RPS6KA2: variants seen among roughly 807,000 people sequenced by gnomAD.
RPS6KA2 encodes the protein ribosomal protein S6 kinase A2.
In RPS6KA2, 42 loss-of-function variants were observed where a neutral mutation model predicts 91.8. The observed-to-expected ratio is 0.46, with a 90% CI of 0.36 to 0.59. RPS6KA2 has a LOEUF of 0.59. Among genes scored for constraint, RPS6KA2 ranks in the 20% least tolerant of loss-of-function variants. RPS6KA2 has a pLI of 0.00. For synonymous variants in RPS6KA2, 414 were observed against 393.6 expected (o/e 1.05, Z -0.61); for missense variants, 798 against 978.5 (o/e 0.82, Z 2.46).
rs1163376952 is a variant in RPS6KA2, at chr6:166,726,424, T to C, written c.123+131776A>G. 1.3e-5 allele frequency among the ~76,000 whole-genome samples: 2 copies of C among 152,172 alleles called. No homozygotes were observed. Among genetic ancestry groups the C allele is most frequent in the Non-Finnish European group, 2.9e-5 (2 of 68,034 alleles). On this transcript the variant is annotated intron_variant, in intron 2 of 21. Coordinates refer to the RPS6KA2 transcript ENST00000503859. The surrounding 1 kb of genome is among the most constrained non-coding windows in gnomAD (Gnocchi z 4.4). Reference sequence around the variant, plus strand: ...GACACAACACTTAGCAAACTCTTAGTCACCTCCCGAGAGCCCAGACCCTGT... The same window carrying C: ...GACACAACACTTAGCAAACTCTTAGCCACCTCCCGAGAGCCCAGACCCTGT...
intron 1 of RPS6KA2, among the ~76,000 whole-genome samples, chr6:166,580,811 G>T (rs1335338877): frequency 6.6e-6 from 1 of 152,136 alleles, no homozygotes; most frequent in Admixed American, 6.5e-5. Context: ...CGGAGGAAAG[G>T]GAGGACATTA....
intron 2 of RPS6KA2, among the ~76,000 whole-genome samples, chr6:166,649,706 A>G (rs753098849): frequency 3.9e-5 from 6 of 152,204 alleles, no homozygotes; most frequent in Non-Finnish European, 7.3e-5. Context: ...GGACCATGCA[A>G]TGGATGGGAT....
chr6:166,534,487 C>T (rs1018252216), intron 2 of RPS6KA2, among the ~76,000 whole-genome samples: 1 of 152,192 alleles, frequency 6.6e-6, no homozygotes, highest in Non-Finnish European at 1.5e-5. Context: ...TACCTCTGCA[C>T]TCAACCCCTA....
intron 19 of RPS6KA2, among the ~76,000 whole-genome samples, chr6:166,415,729 C>A (rs1189320994): frequency 6.6e-6 from 1 of 152,134 alleles, no homozygotes; most frequent in Non-Finnish European, 1.5e-5. Flanking sequence ...CATCTACACT[C>A]ATTTAAGACA....
chr6:166,576,839 GA>G (rs1784850033), intron 1 of RPS6KA2, among the ~76,000 whole-genome samples: 1 of 152,186 alleles, frequency 6.6e-6, no homozygotes, highest in Non-Finnish European at 1.5e-5. Flanking sequence ...AGACAATGGG[GA>G]AAATGTCTCC....
At chr6:166,798,496 G>A (rs1027633202) in intron 2 of RPS6KA2, among the ~76,000 whole-genome samples, 9 of 152,200 alleles carry the variant, frequency 5.9e-5, no homozygotes, top group African/African-American at 1.2e-4. Context: ...CCCAAACAGC[G>A]TCTCTGCAGA....
At chr6:166,721,431 C>G (rs1454640372) in intron 2 of RPS6KA2, among the ~76,000 whole-genome samples, 1 of 152,232 alleles carries the variant, frequency 6.6e-6, no homozygotes, top group Non-Finnish European at 1.5e-5. Context: ...GCTGAACCCC[C>G]TCCATTGCCA....
intron 2 of RPS6KA2, among the ~76,000 whole-genome samples, chr6:166,714,938 C>T (rs1033826081): frequency 5.9e-5 from 9 of 152,238 alleles, no homozygotes; most frequent in Non-Finnish European, 1.2e-4. Context: ...CTGCTGCAGG[C>T]CAGGCCTCAG....
chr6:166,438,294 TACAC>T (rs1401488566), intron 14 of RPS6KA2, among the ~76,000 whole-genome samples: 1 of 152,226 alleles, frequency 6.6e-6, no homozygotes, highest in Non-Finnish European at 1.5e-5. Flanking sequence ...GTTGGCAAAT[TACAC>T]ACACAGTGTG....
chr6:166,744,337 T>C (rs753051453), intron 2 of RPS6KA2, among the ~76,000 whole-genome samples: 1 of 148,622 alleles, frequency 6.7e-6, no homozygotes, highest in Non-Finnish European at 1.5e-5. Context: ...GGGTTCCCCG[T>C]GCCTCTGGGC....
At chr6:166,426,186 C>G (rs1486309477) in intron 16 of RPS6KA2, among the ~76,000 whole-genome samples, 2 of 151,884 alleles carry the variant, frequency 1.3e-5, no homozygotes, top group Non-Finnish European at 2.9e-5. Context: ...ACTGAACAAC[C>G]TGCTCCTGAA....
At chr6:166,624,088 A>G (rs545769317) in intron 1 of RPS6KA2, among the ~76,000 whole-genome samples, 2 of 152,338 alleles carry the variant, frequency 1.3e-5, no homozygotes, top group South Asian at 4.1e-4. Context: ...TTATTTAAAA[A>G]AATAAAAAAT....
rs1778333064 is a variant in RPS6KA2, at chr6:166,767,172, C to T, written c.123+91028G>A. Among the ~76,000 whole-genome samples the T allele has an allele frequency of 6.6e-6, 1 of 152,220 alleles. No homozygotes were observed. Among genetic ancestry groups the T allele is most frequent in the African/African-American group, 2.4e-5 (1 of 41,438 alleles). On this transcript the variant is annotated intron_variant, in intron 2 of 21. Transcript: ENST00000503859. This position sits in a 1 kb window ranked among gnomAD's most constrained non-coding sequence, Gnocchi z 4.6. ...TCTGAAAACAGACTGAAGAACCAGA[C>T]TTTTGTATTTTATCCCCTAGACTCT...
Position 166,722,990 on chromosome 6 carries a change from G to A in RPS6KA2, c.123+135210C>T, listed in dbSNP as rs373458247. ...CCTACACTTGGCGACTATGACAACC[G>A]TTAAGCGATGCAAGGTTTGGGGCGC... On this transcript the variant is annotated intron_variant, in intron 2 of 21. Coordinates refer to the RPS6KA2 transcript ENST00000503859. 9.2e-5 allele frequency among the ~76,000 whole-genome samples: 14 copies of A among 152,312 alleles called. No homozygotes were observed. The East Asian group carries it at 1.2e-3, about 13-fold the overall frequency.
At chr6:166,676,488 C>T (rs905660426) in intron 2 of RPS6KA2, among the ~76,000 whole-genome samples, 1 of 152,166 alleles carries the variant, frequency 6.6e-6, no homozygotes, top group African/African-American at 2.4e-5. Context: ...CACCCTCTAG[C>T]GGCTCGGCTC....
Position 166,420,043 on chromosome 6 carries a change from C to T in RPS6KA2, c.1744-85G>A, listed in dbSNP as rs141071904. 42 of 1,322,250 alleles carry T rather than the reference C, an allele frequency of 3.2e-5. No individual in the cohort carries two copies. In the African/African-American group the frequency reaches 4.2e-4, roughly 13 times the overall value. 81.9% of individuals were successfully genotyped at this position (1,322,250 alleles called of 1,614,324 possible). ...ACGTTTCTCCAGCGGCATCCTACGC[C>T]GGCAAGCTGGGGACCAGGAGGAGGG... On this transcript the variant is annotated intron_variant, in intron 17 of 20. Coordinates refer to ENST00000265678, the MANE Select transcript of RPS6KA2 (RefSeq NM_021135.6).
At chr6:166,625,608 G>A (rs901887971) in intron 1 of RPS6KA2, among the ~76,000 whole-genome samples, 3 of 152,120 alleles carry the variant, frequency 2.0e-5, no homozygotes, top group Admixed American at 6.5e-5. Flanking sequence ...ACAAAGACAT[G>A]TATCCGGATA....
chr6:166,857,878 C>T (rs1483625131), intron 2 of RPS6KA2, among the ~76,000 whole-genome samples: 1 of 152,222 alleles, frequency 6.6e-6, no homozygotes, highest in East Asian at 1.9e-4. Flanking sequence ...CAGCTGGTTA[C>T]TCCCAGGCCT....
In RPS6KA2 at chr6:166,838,682, T is replaced by A. The variant is rs977182833; in HGVS notation, c.123+19518A>T. Among the ~76,000 whole-genome samples, 4 of 152,222 alleles carry A rather than the reference T, an allele frequency of 2.6e-5. No individual in the cohort carries two copies. The South Asian group carries it at 8.3e-4, about 32-fold the overall frequency. On this transcript the variant is annotated intron_variant, in intron 2 of 21. Transcript: ENST00000503859. ...TCCTTCCCAGTCTTTTGTGTCAGTC[T>A]TGTTTTCTTGCAGGTAGACCAGGTA...
Sources: gnomAD v4.1 joint callset for allele counts (sites outside exome capture counted in the v4.1 genomes callset) on GRCh38, gnomAD v4.1.1 for gene constraint, Gnocchi (gnomAD v3.1) non-coding constraint, MANE v1.5 for transcripts, NCBI Gene and HGNC (gene_info 2026-07-23, HGNC 2026-07-21) for gene names.